Variants in PIWIL2 observed in about 807,000 individuals in gnomAD.
PIWIL2 encodes the protein piwi-like protein 2.
Under a neutral mutation model 116.5 loss-of-function variants are expected in PIWIL2, and 81 were observed. The ratio of observed to expected loss-of-function variants is 0.70; its 90% confidence interval spans 0.58 to 0.84. PIWIL2 has a LOEUF of 0.84. Among genes scored for constraint, PIWIL2 ranks in the 40% least tolerant of loss-of-function variants. The probability of loss-of-function intolerance (pLI) is 0.00; values close to 1 mark genes in which losing one functional copy is unlikely to be tolerated. For missense variants in PIWIL2, 1,272 were observed against 1,212.3 expected, an observed-to-expected ratio of 1.05 and a Z score of -0.73; for synonymous variants, 489 against 429.5, an observed-to-expected ratio of 1.14 and a Z score of -1.71.
chr8:22,281,568 GT>G, intron 4 of PIWIL2, 53 bp downstream of exon 4: 4 of 1,439,114 alleles, frequency 2.8e-6, no homozygotes, highest in Non-Finnish European at 3.7e-6. Flanking sequence ...GAATATCTCT[GT>G]AAGTTCAGAG....
At chr8:22,350,985 A>G (rs1832339658) in intron 20 of PIWIL2, among the ~76,000 whole-genome samples, 1 of 152,118 alleles carries the variant, frequency 6.6e-6, no homozygotes, top group African/African-American at 2.4e-5. Context: ...TACTAAGAAT[A>G]CAAAAATTAG....
rs533811331 is a variant in PIWIL2 at position 22,321,404 on chromosome 8, C to T, written c.2403+3129C>T. 1.2e-4 allele frequency among the ~76,000 whole-genome samples: 19 copies of T among 152,280 alleles called. No homozygotes were observed. In the South Asian group the frequency reaches 3.5e-3, roughly 28 times the overall value. Reference sequence around the variant, plus strand: ...CTGGGATTACGGGCATGAGCCACTGCGCCTGGCCAAAAGGTTTCATTTCTT... The same window carrying T: ...CTGGGATTACGGGCATGAGCCACTGTGCCTGGCCAAAAGGTTTCATTTCTT... On this transcript the variant is annotated intron_variant, in intron 20 of 22. Coordinates refer to ENST00000356766, the MANE Select transcript of PIWIL2 (RefSeq NM_018068.5).
At chr8:22,347,315 C>T (rs1290722912) in intron 20 of PIWIL2, among the ~76,000 whole-genome samples, 7 of 151,388 alleles carry the variant, frequency 4.6e-5, no homozygotes, top group African/African-American at 1.7e-4. Flanking sequence ...CCCGGGCTCA[C>T]GCCATTCTCC....
At chr8:22,281,884 G>A (rs538377995) in intron 4 of PIWIL2, among the ~76,000 whole-genome samples, 1 of 145,266 alleles carries the variant, frequency 6.9e-6, no homozygotes, top group African/African-American at 2.6e-5. Context: ...CAATTCTCCT[G>A]CCTCAGCCTC....
chr8:22,292,390 T>G (rs750657045), intron 10 of PIWIL2, among the ~76,000 whole-genome samples: 11 of 152,132 alleles, frequency 7.2e-5, no homozygotes, highest in Non-Finnish European at 1.5e-4. Flanking sequence ...ATGAGGATGG[T>G]AGCGATGGAG....
Position 22,281,491 on chromosome 8 carries a change from C to G in PIWIL2, c.401C>G (p.Ala134Gly), listed in dbSNP as rs375034051. 6.3e-7 allele frequency: 1 copy of G among 1,589,282 alleles called. No individual in the cohort carries two copies. The highest frequency in any genetic ancestry group is 8.5e-7 in the Non-Finnish European group (1 of 1,174,130). Residue 134 changes from alanine to glycine, a missense_variant, in exon 4 of 23, where the codon GCA becomes GGA. Ala to Gly is a moderately conservative substitution (Grantham distance 60). Coordinates refer to ENST00000356766, the MANE Select transcript of PIWIL2 (RefSeq NM_018068.5). ...KVLAAGDSKM[A>G]ETSVGWSRTL... The stretch of plus-strand genomic sequence containing the variant: ...TTGGCGGCTGGGGACAGCAAGATGG[C>G]AGAGACCTCCGTTGGTTGGAGTAGG...
intron 20 of PIWIL2, among the ~76,000 whole-genome samples, chr8:22,349,051 C>CTTTTTTTTTT: frequency 7.3e-6 from 1 of 136,810 alleles, no homozygotes; most frequent in Non-Finnish European, 1.6e-5. Context: ...TTTCTTTTTT[C>CTTTTTTTTTT]TTTTTTTTTT....
In PIWIL2 at chr8:22,354,266, C is replaced by T; in HGVS notation, c.2658-5C>T. On this transcript the variant is annotated splice_polypyrimidine_tract_variant and splice_region_variant and intron_variant, in intron 21 of 22. Transcript: ENST00000356766. Reference sequence around the variant, plus strand: ...ATTTCACTGATTTATGGTTTTCCTTCCTAGGGTGGATTTCTATCTTCTTGC... The same window carrying T: ...ATTTCACTGATTTATGGTTTTCCTTTCTAGGGTGGATTTCTATCTTCTTGC... 6.3e-7 allele frequency: 1 copy of T among 1,591,896 alleles called. No individual in the cohort carries two copies. The highest frequency in any genetic ancestry group is 8.6e-7 in the Non-Finnish European group (1 of 1,159,850).
intron 20 of PIWIL2, among the ~76,000 whole-genome samples, chr8:22,327,024 C>CTTTTT (rs71544876): frequency 2.8e-4 from 30 of 105,414 alleles, no homozygotes; most frequent in Non-Finnish European, 3.8e-4. Flanking sequence ...TGTTTTTTTA[C>CTTTTT]TTTTTTTTTT....
chr8:22,329,161 T>G (rs1277716527), intron 20 of PIWIL2, among the ~76,000 whole-genome samples: 1 of 152,208 alleles, frequency 6.6e-6, no homozygotes, highest in Non-Finnish European at 1.5e-5. Context: ...CTGAGTATTT[T>G]TATAATGAAA....
At chr8:22,338,853 CTCAAAT>C (rs1413986091) in intron 20 of PIWIL2, among the ~76,000 whole-genome samples, 1 of 152,014 alleles carries the variant, frequency 6.6e-6, no homozygotes, top group African/African-American at 2.4e-5. Context: ...TAAGCAGATA[CTCAAAT>C]TCATATGGAA....
At position 22,289,795 on chromosome 8, in the gene PIWIL2, CAT is replaced by C; in HGVS notation, c.987-50_987-49del. On this transcript the variant is annotated intron_variant, in intron 8 of 22. Coordinates refer to ENST00000356766, the MANE Select transcript of PIWIL2 (RefSeq NM_018068.5). ...GCAAATGTAGCTAAGAATAATGGAA[CAT>C]AATTTTATTACTCTTCTATTAGAAA... 18 of 1,084,784 alleles carry C rather than the reference CAT, an allele frequency of 1.7e-5. 1 individual carries two copies. The South Asian group carries it at 2.3e-4, about 14-fold the overall frequency. 67.2% of individuals were successfully genotyped at this position (1,084,784 alleles called of 1,614,324 possible).
intron 10 of PIWIL2, among the ~76,000 whole-genome samples, chr8:22,295,161 CCTT>C (rs893747153): frequency 6.6e-6 from 1 of 151,816 alleles, no homozygotes; most frequent in African/African-American, 2.4e-5. Flanking sequence ...TTCTTTCCTT[CCTT>C]CTTTCCTCCT....
In PIWIL2 at chr8:22,287,758, C is replaced by T. The variant is rs1357765206; in HGVS notation, c.861+113C>T. The T allele has an allele frequency of 9.8e-6, 7 of 716,792 alleles. No homozygotes were observed. The Middle Eastern group carries it at 7.1e-4, about 73-fold the overall frequency. The allele number at this position is 716,792 out of a possible 1,614,324, so 44.4% of individuals were successfully genotyped here. A position where few individuals can be genotyped will look rare whatever the true frequency, so the allele number is the denominator to read the frequency against. On this transcript the variant is annotated intron_variant, in intron 7 of 22. Transcript: ENST00000356766. Reference sequence around the variant, plus strand: ...CTTGCTATGTTGCCCAGACTGGTCTCGAATTCCCAAAGCCCTGGGACTACA... The same window carrying T: ...CTTGCTATGTTGCCCAGACTGGTCTTGAATTCCCAAAGCCCTGGGACTACA...
chr8:22,310,776 G>A (rs1831309297), intron 15 of PIWIL2, among the ~76,000 whole-genome samples: 1 of 152,128 alleles, frequency 6.6e-6, no homozygotes, highest in African/African-American at 2.4e-5. Flanking sequence ...TCACAGCACA[G>A]ATTGATTTTA....
intron 20 of PIWIL2, among the ~76,000 whole-genome samples, chr8:22,319,776 T>C (rs1027036864): frequency 6.6e-6 from 1 of 152,182 alleles, no homozygotes; most frequent in Non-Finnish European, 1.5e-5. Flanking sequence ...GACAGAGTGC[T>C]GGTGGAAGTC....
intron 20 of PIWIL2, among the ~76,000 whole-genome samples, chr8:22,335,208 AG>A (rs1831952698): frequency 6.6e-6 from 1 of 152,202 alleles, no homozygotes; most frequent in Non-Finnish European, 1.5e-5. Context: ...AGAATGACAA[AG>A]ATGTAAGGGA....
chr8:22,307,925 C>G lies in PIWIL2; in HGVS notation c.1546-8C>G, dbSNP rs75567888. The G allele has an allele frequency of 2.5e-6, 4 of 1,587,618 alleles. No homozygotes were observed. The African/African-American group carries it at 5.4e-5, about 21-fold the overall frequency. On this transcript the variant is annotated splice_polypyrimidine_tract_variant and splice_region_variant and intron_variant, in intron 13 of 22. Coordinates refer to ENST00000356766, the MANE Select transcript of PIWIL2 (RefSeq NM_018068.5). ...TTTATAAGTTATCTTTATTTTAATTCTGTTTAGGATTTGGCTCAGCAAATC... is the reference window on the plus strand; with the variant it reads ...TTTATAAGTTATCTTTATTTTAATTGTGTTTAGGATTTGGCTCAGCAAATC...
intron 10 of PIWIL2, among the ~76,000 whole-genome samples, 160 bp from the exon 11 acceptor site, chr8:22,303,861 G>A (rs532879296): frequency 6.6e-6 from 1 of 152,250 alleles, no homozygotes; most frequent in African/African-American, 2.4e-5. Flanking sequence ...TTACAAGCGT[G>A]AGCCACTGCA....
Sources: gnomAD v4.1 joint callset for allele counts (sites outside exome capture counted in the v4.1 genomes callset) on GRCh38, gnomAD v4.1.1 for gene constraint, MANE v1.5 for transcripts, NCBI Gene and HGNC (gene_info 2026-07-23, HGNC 2026-07-21) for gene names.